The following PHACTR1 variants were observed in gnomAD, a reference collection of about 807,000 sequenced individuals.
The protein encoded by PHACTR1 is RPEL repeat containing 1.
In PHACTR1, 16 loss-of-function variants were observed where a neutral mutation model predicts 69.2. That is an observed-to-expected ratio of 0.23 (90% CI 0.16 to 0.35). The LOEUF (loss-of-function observed/expected upper bound fraction) is 0.35. Ranked by LOEUF, PHACTR1 falls within the 10% of genes least tolerant of loss-of-function variation. PHACTR1 has a pLI of 1.00. For synonymous variants in PHACTR1, 312 were observed against 284.5 expected (o/e 1.10, Z -0.97); for missense variants, 510 against 734.7 (o/e 0.69, Z 3.54).
chr6:13,046,534 A>T (rs1280861588), intron 4 of PHACTR1, among the ~76,000 whole-genome samples: 2 of 152,174 alleles, frequency 1.3e-5, no homozygotes, highest in African/African-American at 4.8e-5. Context: ...GTACTCACCG[A>T]TGTTAACATG....
chr6:12,841,360 G>A (rs1393949856), intron 4 of PHACTR1, among the ~76,000 whole-genome samples: 1 of 151,580 alleles, frequency 6.6e-6, no homozygotes, highest in African/African-American at 2.4e-5. Flanking sequence ...CTCTACCATA[G>A]TTGCACTAGG....
intron 8 of PHACTR1, among the ~76,000 whole-genome samples, chr6:13,206,934 G>T (rs955962620): frequency 3.3e-5 from 5 of 149,598 alleles, no homozygotes; most frequent in South Asian, 2.1e-4. Context: ...GAATCAGTTT[G>T]TTTTTTTTTT....
At chr6:13,007,479 C>T (rs777240923) in intron 4 of PHACTR1, among the ~76,000 whole-genome samples, 1 of 152,054 alleles carries the variant, frequency 6.6e-6, no homozygotes, top group African/African-American at 2.4e-5. Flanking sequence ...GCAGCAATAC[C>T]TAATCCTAAA....
intron 4 of PHACTR1, among the ~76,000 whole-genome samples, chr6:12,789,227 T>A (rs1771920189): frequency 6.6e-6 from 1 of 152,170 alleles, no homozygotes; most frequent in Non-Finnish European, 1.5e-5. Context: ...TCATCTTACT[T>A]GGCTGGTCAG....
rs528486005 is a variant in PHACTR1 at position 13,127,553 on chromosome 6, G to C, written c.416-32651G>C. ...CCACTGCACTCTAGGCTGCGTGACA[G>C]AGAGAGACCCTGTAAAAAAGAAACA... is the stretch of plus-strand genomic sequence containing the variant. On this transcript the variant is annotated intron_variant, in intron 5 of 14. Coordinates refer to ENST00000332995, the MANE Select transcript of PHACTR1 (RefSeq NM_030948.6). Among the ~76,000 whole-genome samples the C allele has an allele frequency of 1.5e-4, 23 of 152,332 alleles. No individual in the cohort carries two copies. In the South Asian group the frequency reaches 3.1e-3, roughly 21 times the overall value.
At chr6:12,799,466 C>G (rs938183599) in intron 4 of PHACTR1, among the ~76,000 whole-genome samples, 5 of 152,086 alleles carry the variant, frequency 3.3e-5, no homozygotes, top group African/African-American at 1.2e-4. Flanking sequence ...ATATTGTCTT[C>G]CTGCTATAAT....
chr6:13,280,068 T>C (rs1779809376), intron 12 of PHACTR1: 1 of 152,194 alleles, frequency 6.6e-6, no homozygotes, highest in Non-Finnish European at 1.5e-5. Context: ...TTTATTTAAT[T>C]CCTATCTCTT....
At chr6:12,889,544 T>C (rs1783962587) in intron 4 of PHACTR1, among the ~76,000 whole-genome samples, 1 of 152,234 alleles carries the variant, frequency 6.6e-6, no homozygotes, top group African/African-American at 2.4e-5. Flanking sequence ...GGGAGTAGTT[T>C]GGCAGCAAGA....
intron 4 of PHACTR1, among the ~76,000 whole-genome samples, chr6:13,015,537 G>C (rs1020529976): frequency 4.6e-5 from 7 of 152,250 alleles, no homozygotes. Context: ...CAGAGCTTGA[G>C]ATGCAGGCTA....
chr6:12,877,833 A>G (rs948286634), intron 4 of PHACTR1, among the ~76,000 whole-genome samples: 5 of 152,200 alleles, frequency 3.3e-5, no homozygotes, highest in African/African-American at 1.2e-4. Context: ...ACAGCAATTT[A>G]GGCTCAGTGT....
chr6:12,977,380 TCACACACACA>T (rs67391969), intron 4 of PHACTR1, among the ~76,000 whole-genome samples: 1 of 149,256 alleles, frequency 6.7e-6, no homozygotes, highest in East Asian at 2.0e-4. Context: ...TCTCTCTCTT[TCACACACACA>T]CACACACACA....
chr6:13,005,198 CT>C (rs1285641780), intron 4 of PHACTR1, among the ~76,000 whole-genome samples: 15 of 147,946 alleles, frequency 1.0e-4, no homozygotes, highest in South Asian at 4.2e-4. Context: ...TTTTTTCTTT[CT>C]TTTTTTTTTA....
At chr6:13,168,820 C>T (rs1160251813) in intron 6 of PHACTR1, among the ~76,000 whole-genome samples, 1 of 152,070 alleles carries the variant, frequency 6.6e-6, no homozygotes, top group Non-Finnish European at 1.5e-5. Flanking sequence ...GGTAAGAGTG[C>T]CCAGCATGTC....
intron 4 of PHACTR1, among the ~76,000 whole-genome samples, chr6:12,906,707 A>G (rs1001609536): frequency 2.0e-5 from 3 of 152,156 alleles, no homozygotes; most frequent in Admixed American, 1.3e-4. Context: ...TTCTAGCAGG[A>G]TCTTTCTACA....
intron 4 of PHACTR1, among the ~76,000 whole-genome samples, chr6:13,047,646 A>G (rs1387264612): frequency 6.6e-6 from 1 of 151,702 alleles, no homozygotes; most frequent in Non-Finnish European, 1.5e-5. Context: ...AGCATTTAGC[A>G]CATGGGGAGA....
intron 6 of PHACTR1, among the ~76,000 whole-genome samples, chr6:13,178,557 T>C (rs1761729633): frequency 1.3e-5 from 2 of 152,242 alleles, no homozygotes; most frequent in South Asian, 2.1e-4. Flanking sequence ...AGCCCAGCAA[T>C]CTGTTTTTTA....
intron 10 of PHACTR1, among the ~76,000 whole-genome samples, chr6:13,231,921 C>G (rs1156955700): frequency 6.6e-6 from 1 of 152,184 alleles, no homozygotes; most frequent in African/African-American, 2.4e-5. Context: ...TGCATAATGT[C>G]ACACAGCACA....
intron 4 of PHACTR1, among the ~76,000 whole-genome samples, chr6:12,966,834 T>C (rs971264065): frequency 1.6e-4 from 25 of 152,318 alleles, no homozygotes; most frequent in Admixed American, 9.8e-4. Flanking sequence ...AAGTGACTCT[T>C]GCATTTCACA....
At chr6:13,076,823 G>A (rs1810551860) in intron 5 of PHACTR1, among the ~76,000 whole-genome samples, 1 of 151,830 alleles carries the variant, frequency 6.6e-6, no homozygotes, top group African/African-American at 2.4e-5. Context: ...CAAAAGGAAT[G>A]ATAGAAGGAA....
Sources: allele counts gnomAD v4.1 joint callset (sites outside exome capture counted in the v4.1 genomes callset), GRCh38; gene constraint gnomAD v4.1.1; transcripts MANE v1.5; gene names NCBI Gene and HGNC (gene_info 2026-07-23, HGNC 2026-07-21).